Variants in EPC2 observed in about 807,000 individuals in gnomAD.
EPC2 encodes the protein enhancer of polycomb 2.
In EPC2, 14 loss-of-function variants were observed where a neutral mutation model predicts 92.1. The ratio of observed to expected loss-of-function variants is 0.15; its 90% CI spans 0.10 to 0.24. EPC2 has a LOEUF of 0.24. Ranked by LOEUF, EPC2 falls within the 10% of genes least tolerant of loss-of-function variation. The pLI is 1.00. For missense variants in EPC2, 755 were observed against 971.5 expected (o/e 0.78, Z 2.96); for synonymous variants, 340 against 334.7 (o/e 1.02, Z -0.17).
intron 1 of EPC2, among the ~76,000 whole-genome samples, chr2:148,672,786 A>G (rs1052006890): frequency 9.9e-5 from 15 of 151,936 alleles, no homozygotes; most frequent in African/African-American, 3.6e-4. Flanking sequence ...ACTTTTACCT[A>G]AGTTTTATAT....
chr2:148,669,696 G>GA (rs915520761), intron 1 of EPC2, among the ~76,000 whole-genome samples: 5 of 152,030 alleles, frequency 3.3e-5, no homozygotes, highest in African/African-American at 1.2e-4. Context: ...AGCAAGACTG[G>GA]AAAAACCTCA....
Position 148,657,565 on chromosome 2 carries a change from G to T in EPC2, c.153+12395G>T, listed in dbSNP as rs1574564187. 5.3e-5 allele frequency among the ~76,000 whole-genome samples: 8 copies of T among 152,056 alleles called. No homozygotes were observed. In the South Asian group the frequency reaches 1.5e-3, roughly 28 times the overall value. On this transcript the variant is annotated intron_variant, in intron 1 of 13. Coordinates refer to ENST00000258484, the MANE Select transcript of EPC2 (RefSeq NM_015630.4). Reference sequence around the variant, plus strand: ...GAAGTTCCCAGGTGATCCTGGTGCTGCTTGTCCAAGGACCCAACTTTGAAA... The same window carrying T: ...GAAGTTCCCAGGTGATCCTGGTGCTTCTTGTCCAAGGACCCAACTTTGAAA...
intron 2 of EPC2, among the ~76,000 whole-genome samples, chr2:148,726,758 G>GTTTTTT (rs1448355101): frequency 2.7e-5 from 2 of 75,260 alleles, no homozygotes; most frequent in African/African-American, 4.4e-5. Flanking sequence ...TTTTTGTTTT[G>GTTTTTT]TTTTTTGTTT....
At chr2:148,776,854 C>CTTTTTTTTT (rs1558838031) in intron 10 of EPC2, among the ~76,000 whole-genome samples, 1 of 90,052 alleles carries the variant, frequency 1.1e-5, no homozygotes, top group Non-Finnish European at 2.1e-5. Context: ...CTGTCTCTCT[C>CTTTTTTTTT]TCTTTTTTTT....
At chr2:148,682,135 G>T (rs1186698767) in intron 1 of EPC2, among the ~76,000 whole-genome samples, 1 of 152,178 alleles carries the variant, frequency 6.6e-6, no homozygotes, top group Non-Finnish European at 1.5e-5. Flanking sequence ...TGGACATTTG[G>T]GTTGGTTCCA....
chr2:148,697,912 T>C (rs1427437149), intron 2 of EPC2, among the ~76,000 whole-genome samples: 1 of 152,168 alleles, frequency 6.6e-6, no homozygotes, highest in Non-Finnish European at 1.5e-5. Context: ...GGAAAGGGTG[T>C]GTGGCAGTTA....
At chr2:148,750,356 A>G (rs904353175) in intron 3 of EPC2, among the ~76,000 whole-genome samples, 6 of 151,678 alleles carry the variant, frequency 4.0e-5, no homozygotes, top group African/African-American at 1.5e-4. Context: ...TTACACAGCT[A>G]TTTTCTTTTT....
At chr2:148,772,711 G>A (rs1365489027) in intron 10 of EPC2, among the ~76,000 whole-genome samples, 1 of 152,198 alleles carries the variant, frequency 6.6e-6, no homozygotes, top group Non-Finnish European at 1.5e-5. Context: ...TCATGAGTCT[G>A]TGAAGTTGAA....
rs927112330 is a variant in EPC2, at chr2:148,644,828, CCGCGGG to C, written c.-183_-178del. Among the ~76,000 whole-genome samples, 1 of 10,814 alleles carries C rather than the reference CCGCGGG, an allele frequency of 9.2e-5. No homozygotes were observed. Among genetic ancestry groups the C allele is most frequent in the African/African-American group, 3.4e-4 (1 of 2,902 alleles). The allele number at this position is 10,814 out of a possible 152,430, so 7.1% of individuals were successfully genotyped here. ...CGGCGGATCTAGTGTGTGGAGGCGGCCGCGGGCGCGGGGGGCTGTTTTCGGGCGGGG... is the reference window on the plus strand; with the variant it reads ...CGGCGGATCTAGTGTGTGGAGGCGGCCGCGGGGGGCTGTTTTCGGGCGGGG... On this transcript the variant is annotated 5_prime_UTR_variant, in exon 1 of 14. Coordinates refer to ENST00000258484, the MANE Select transcript of EPC2 (RefSeq NM_015630.4).
intron 1 of EPC2, among the ~76,000 whole-genome samples, chr2:148,680,872 C>T (rs187139330): frequency 9.2e-4 from 140 of 152,264 alleles, no homozygotes; most frequent in Non-Finnish European, 1.9e-3. Flanking sequence ...GAAACAAAAG[C>T]ATAAAACAGT....
chr2:148,646,171 C>G lies in EPC2; in HGVS notation c.153+1001C>G, dbSNP rs539398626. 2.0e-5 allele frequency among the ~76,000 whole-genome samples: 3 copies of G among 152,272 alleles called. No individual in the cohort carries two copies. In the South Asian group the frequency reaches 6.2e-4, roughly 32 times the overall value. ...TGAACCTACAGTCCCGCCTTATTGT[C>G]AACCTCGGGTGTGTGTGGATTGGTT... On this transcript the variant is annotated intron_variant, in intron 1 of 13. Coordinates refer to ENST00000258484, the MANE Select transcript of EPC2 (RefSeq NM_015630.4).
chr2:148,785,680 G>A (rs984138815), intron 13 of EPC2, among the ~76,000 whole-genome samples: 1 of 152,160 alleles, frequency 6.6e-6, no homozygotes, highest in Non-Finnish European at 1.5e-5. Context: ...TTAACTCCAT[G>A]CCAGAGTTTA....
At chr2:148,698,519 C>G (rs1327920205) in intron 2 of EPC2, among the ~76,000 whole-genome samples, 1 of 151,350 alleles carries the variant, frequency 6.6e-6, no homozygotes, top group Admixed American at 6.6e-5. Flanking sequence ...GCCTGTAATC[C>G]CAGCTACTCC....
intron 2 of EPC2, among the ~76,000 whole-genome samples, chr2:148,706,549 A>T (rs1408600386): frequency 6.6e-6 from 1 of 152,238 alleles, no homozygotes; most frequent in Non-Finnish European, 1.5e-5. Flanking sequence ...TAATTGTCAG[A>T]TTCACCAAGG....
chr2:148,665,711 C>T (rs1447763419), intron 1 of EPC2, among the ~76,000 whole-genome samples: 2 of 152,130 alleles, frequency 1.3e-5, no homozygotes, highest in East Asian at 1.9e-4. Context: ...ATCAGTTACT[C>T]AGTCCGTTAA....
At chr2:148,700,433 T>C (rs1681848467) in intron 2 of EPC2, among the ~76,000 whole-genome samples, 1 of 152,126 alleles carries the variant, frequency 6.6e-6, no homozygotes, top group South Asian at 2.1e-4. Context: ...ATTCATTTTT[T>C]TTCATATGGG....
chr2:148,771,839 C>T (rs1031256996), intron 10 of EPC2, among the ~76,000 whole-genome samples: 2 of 151,498 alleles, frequency 1.3e-5, no homozygotes, highest in African/African-American at 4.9e-5. Context: ...CGCTGTGTCG[C>T]CCAGGCTGGA....
chr2:148,680,685 A>T (rs1465940778), intron 1 of EPC2, among the ~76,000 whole-genome samples: 1 of 152,222 alleles, frequency 6.6e-6, no homozygotes, highest in Admixed American at 6.5e-5. Flanking sequence ...TGAGTCATAG[A>T]TTCTAGACCT....
chr2:148,719,682 T>C (rs931678709), intron 2 of EPC2, among the ~76,000 whole-genome samples: 7 of 152,224 alleles, frequency 4.6e-5, no homozygotes, highest in African/African-American at 1.7e-4. Context: ...GAGACCCCAG[T>C]TGGGAGGTTT....
Sources: gnomAD v4.1 joint callset for allele counts (sites outside exome capture counted in the v4.1 genomes callset) on GRCh38, gnomAD v4.1.1 for gene constraint, MANE v1.5 for transcripts, NCBI Gene and HGNC (gene_info 2026-07-23, HGNC 2026-07-21) for gene names.